The following PTCSC3 variants were observed in gnomAD, a reference collection of about 807,000 sequenced individuals.
The protein encoded by PTCSC3 is papillary thyroid carcinoma susceptibility candidate 3 (non-protein coding).
chr14:36,173,177 A>G (rs886724961), intron 1 of PTCSC3, among the ~76,000 whole-genome samples: 1 of 152,200 alleles, frequency 6.6e-6, no homozygotes, highest in Non-Finnish European at 1.5e-5. Flanking sequence ...AATACATATT[A>G]CAGGAAATCT....
chr14:36,143,930 G>T (rs1239135883), intron 3 of PTCSC3, among the ~76,000 whole-genome samples: 1 of 151,738 alleles, frequency 6.6e-6, no homozygotes, highest in South Asian at 2.1e-4. Context: ...TTTCCCCATT[G>T]CTTGTTTTTC....
downstream of PTCSC3, among the ~76,000 whole-genome samples, chr14:36,135,899 A>ATG (rs139313919): frequency 0.046 from 6,905 of 149,398 alleles, 290 homozygotes; most frequent in East Asian, 0.15. Flanking sequence ...GTATATATAT[A>ATG]TGTGTGTGTG....
chr14:36,139,119 T>TAA (rs370864635), intron 3 of PTCSC3, among the ~76,000 whole-genome samples: 101 of 106,588 alleles, frequency 9.5e-4, no homozygotes, highest in Non-Finnish European at 1.4e-3. Context: ...ATCTCAAAAA[T>TAA]AAAAAAAAAA....
chr14:36,141,341 C>A (rs1881416379), intron 3 of PTCSC3, among the ~76,000 whole-genome samples: 1 of 151,968 alleles, frequency 6.6e-6, no homozygotes, highest in African/African-American at 2.4e-5. Flanking sequence ...GACATCTTGA[C>A]AATATTGATT....
intron 2 of PTCSC3, among the ~76,000 whole-genome samples, chr14:36,158,897 T>C (rs1436893436): frequency 6.6e-6 from 1 of 152,184 alleles, no homozygotes. Context: ...ATTTTTTTGG[T>C]TGGTAGGCTA....
At chr14:36,155,510 G>A (rs1243134574) in intron 2 of PTCSC3, among the ~76,000 whole-genome samples, 5 of 151,528 alleles carry the variant, frequency 3.3e-5, no homozygotes, top group East Asian at 1.9e-4. Flanking sequence ...ATACACTCAC[G>A]GTCCTTAAAT....
At chr14:36,160,125 C>T (rs551455640) in intron 2 of PTCSC3, among the ~76,000 whole-genome samples, 3 of 152,158 alleles carry the variant, frequency 2.0e-5, no homozygotes, top group Non-Finnish European at 4.4e-5. Context: ...TGTGTCTTTG[C>T]ATGTGTGATG....
At chr14:36,149,241 C>T (rs1881668186) in intron 3 of PTCSC3, among the ~76,000 whole-genome samples, 3 of 151,600 alleles carry the variant, frequency 2.0e-5, no homozygotes, top group Admixed American at 1.3e-4. Flanking sequence ...TCTTCTTTGA[C>T]CCATGTGTTA....
chr14:36,169,122 C>T (rs1340800607), intron 1 of PTCSC3, among the ~76,000 whole-genome samples: 1 of 152,096 alleles, frequency 6.6e-6, no homozygotes, highest in East Asian at 1.9e-4. Flanking sequence ...AAACCTGCTA[C>T]TTGATTCAGT....
intron 1 of PTCSC3, among the ~76,000 whole-genome samples, chr14:36,166,161 C>T (rs1370326106): frequency 2.0e-5 from 3 of 152,168 alleles, no homozygotes; most frequent in African/African-American, 7.2e-5. Context: ...CACCCGATGG[C>T]TATTGTGTGC....
intron 1 of PTCSC3, among the ~76,000 whole-genome samples, chr14:36,165,722 C>CTTTTTTTTT (rs71448056): frequency 8.0e-6 from 1 of 124,820 alleles, no homozygotes. Flanking sequence ...TTTATTTTTC[C>CTTTTTTTTT]TTTTTTTTTT....
intron 2 of PTCSC3, among the ~76,000 whole-genome samples, chr14:36,156,951 A>G (rs1242515213): frequency 2.0e-5 from 3 of 152,166 alleles, no homozygotes; most frequent in Non-Finnish European, 2.9e-5. Flanking sequence ...GCTGGGTCAA[A>G]TGGTATTTCT....
At chr14:36,137,707 A>G (rs1175486122) in intron 3 of PTCSC3, among the ~76,000 whole-genome samples, 3 of 152,246 alleles carry the variant, frequency 2.0e-5, no homozygotes, top group Admixed American at 1.3e-4. Context: ...TGGAGCAACT[A>G]TAAGATAGAT....
intron 3 of PTCSC3, among the ~76,000 whole-genome samples, chr14:36,146,014 G>C (rs1369901961): frequency 6.6e-6 from 1 of 152,098 alleles, no homozygotes; most frequent in African/African-American, 2.4e-5. Context: ...TGATTGCACT[G>C]TGGTCTGAGA....
intron 1 of PTCSC3, among the ~76,000 whole-genome samples, chr14:36,163,262 G>C (rs1271233127): frequency 6.6e-6 from 1 of 151,738 alleles, no homozygotes; most frequent in Non-Finnish European, 1.5e-5. Context: ...GCATAAATGG[G>C]GAGAAATTAA....
chr14:36,162,330 T>C (rs969425041), intron 2 of PTCSC3, among the ~76,000 whole-genome samples: 1 of 151,024 alleles, frequency 6.6e-6, no homozygotes, highest in Non-Finnish European at 1.5e-5. Context: ...TGCCCGGTTT[T>C]GTGCTTGAAA....
At chr14:36,147,944 G>C (rs575615831) in intron 3 of PTCSC3, among the ~76,000 whole-genome samples, 2 of 152,222 alleles carry the variant, frequency 1.3e-5, no homozygotes, top group Admixed American at 1.3e-4. Flanking sequence ...GTGTGCCCCT[G>C]CTCGGGGGGT....
At chr14:36,170,845 C>T (rs184132286) in intron 1 of PTCSC3, among the ~76,000 whole-genome samples, 93 of 152,186 alleles carry the variant, frequency 6.1e-4, no homozygotes, top group Admixed American at 1.7e-3. Flanking sequence ...AGACCCTGGG[C>T]GGTTGGCACA....
intron 3 of PTCSC3, among the ~76,000 whole-genome samples, chr14:36,147,579 A>G (rs147733983): frequency 0.63 from 94,437 of 151,036 alleles, 30,131 homozygotes; most frequent in Middle Eastern, 0.69. Context: ...TTTTTTCAAA[A>G]TTTTCAACTT....
Sources: gnomAD v4.1 joint callset for allele counts (sites outside exome capture counted in the v4.1 genomes callset) on GRCh38, gnomAD v4.1.1 for gene constraint, MANE v1.5 for transcripts, NCBI Gene and HGNC (gene_info 2026-07-23, HGNC 2026-07-21) for gene names.